The following LDLRAD4 variants were observed in gnomAD, a reference collection of about 807,000 sequenced individuals.
The protein encoded by LDLRAD4 is low-density lipoprotein receptor class A domain-containing protein 4.
In LDLRAD4, 5 loss-of-function variants were observed where a neutral mutation model predicts 17.0. The ratio of observed to expected loss-of-function variants is 0.29; its 90% confidence interval spans 0.15 to 0.62. The LOEUF is 0.62. LDLRAD4 is among the 20% of genes least tolerant of loss of function. LDLRAD4 has a pLI of 0.84. For synonymous variants in LDLRAD4, 168 were observed against 171.8 expected, an observed-to-expected ratio of 0.98 and a Z score of 0.17; for missense variants, 340 against 424.7, an observed-to-expected ratio of 0.80 and a Z score of 1.75.
chr18:13,643,294 G>C, intron 4 of LDLRAD4, 65 bp from the exon 6 acceptor site: 1 of 1,039,942 alleles, frequency 9.6e-7, no homozygotes. Flanking sequence ...TTTTAGGTGC[G>C]GCGGGGCTAA....
intron 1 of LDLRAD4, among the ~76,000 whole-genome samples, chr18:13,231,199 G>T (rs2042053959): frequency 6.6e-6 from 1 of 152,196 alleles, no homozygotes; most frequent in Admixed American, 6.5e-5. Flanking sequence ...GCAAAAGGCA[G>T]GTGGTATGGG....
At chr18:13,576,863 G>C (rs1464380588) in intron 3 of LDLRAD4, among the ~76,000 whole-genome samples, 1 of 152,260 alleles carries the variant, frequency 6.6e-6, no homozygotes, top group African/African-American at 2.4e-5. Context: ...GTGCCCATGA[G>C]CTCCGCTCAG....
intron 1 of LDLRAD4, among the ~76,000 whole-genome samples, chr18:13,386,847 G>C (rs1437228477): frequency 6.6e-6 from 1 of 152,146 alleles, no homozygotes; most frequent in African/African-American, 2.4e-5. Context: ...CTTGAGGCAG[G>C]AGTTTGGAGA....
intron 5 of LDLRAD4, 76 bp downstream of exon 6, chr18:13,643,488 C>A: frequency 1.7e-6 from 1 of 578,190 alleles, no homozygotes; most frequent in South Asian, 6.5e-5. Context: ...GTCCCTGCCA[C>A]GTGGGGTGGA....
chr18:13,283,702 C>T (rs1389651028), intron 1 of LDLRAD4, among the ~76,000 whole-genome samples: 4 of 152,212 alleles, frequency 2.6e-5, no homozygotes, highest in Non-Finnish European at 1.5e-5. Flanking sequence ...TGCCTGTTAC[C>T]CAGTTCCAAA....
intron 1 of LDLRAD4, among the ~76,000 whole-genome samples, chr18:13,231,550 C>T (rs56929823): frequency 0.021 from 3,204 of 152,268 alleles, 98 homozygotes; most frequent in African/African-American, 0.07. Flanking sequence ...GATTTCATAT[C>T]GAATTGTTTG....
chr18:13,530,927 GA>G (rs1180975126), intron 3 of LDLRAD4, among the ~76,000 whole-genome samples: 1 of 152,208 alleles, frequency 6.6e-6, no homozygotes, highest in Non-Finnish European at 1.5e-5. Context: ...ACTTCATTTG[GA>G]AGGACTATAT....
chr18:13,517,438 T>A lies in LDLRAD4; in HGVS notation c.181+79054T>A, dbSNP rs1300026487. 7.9e-5 allele frequency among the ~76,000 whole-genome samples: 12 copies of A among 152,364 alleles called. No homozygotes were observed. In the East Asian group the frequency reaches 2.3e-3, roughly 29 times the overall value. ...CCGAGGAACCAGAGGTAGCTCCGTT[T>A]TGGAAAGAGCTTCCTGGTTGCCCAT... is the stretch of plus-strand genomic sequence containing the variant. On this transcript the variant is annotated intron_variant, in intron 3 of 5. Transcript: ENST00000359446.
chr18:13,459,159 C>CAAAAAAAAAAAAAAAAAAAAAAA (rs534798084), intron 3 of LDLRAD4, among the ~76,000 whole-genome samples: 1 of 53,736 alleles, frequency 1.9e-5, no homozygotes, highest in African/African-American at 6.0e-5. Context: ...ATCTCTACAC[C>CAAAAAAAAAAAAAAAAAAAAAAA]AAAAAAAAAA....
intron 3 of LDLRAD4, among the ~76,000 whole-genome samples, chr18:13,593,158 C>G (rs150811223): frequency 1.3e-5 from 2 of 152,020 alleles, no homozygotes; most frequent in South Asian, 2.1e-4. Flanking sequence ...ACTAAAAGTA[C>G]ATAAATTAGC....
At chr18:13,437,693 A>AT (rs2090756675) in intron 2 of LDLRAD4, among the ~76,000 whole-genome samples, 1 of 152,114 alleles carries the variant, frequency 6.6e-6, no homozygotes, top group Non-Finnish European at 1.5e-5. Flanking sequence ...ATTATGCCTG[A>AT]TTTTTCTTAG....
At chr18:13,603,481 G>T (rs894277184) in intron 3 of LDLRAD4, among the ~76,000 whole-genome samples, 1 of 152,198 alleles carries the variant, frequency 6.6e-6, no homozygotes, top group African/African-American at 2.4e-5. Flanking sequence ...TCCTGGCATT[G>T]CCAGTTACTG....
At chr18:13,439,593 T>A (rs1411645715) in intron 3 of LDLRAD4, among the ~76,000 whole-genome samples, 5 of 152,248 alleles carry the variant, frequency 3.3e-5, no homozygotes, top group Admixed American at 2.0e-4. Context: ...CGGTAGTCTC[T>A]GTGTAATACA....
At chr18:13,514,399 C>T (rs1220818012) in intron 3 of LDLRAD4, 1 of 152,164 alleles carries the variant, frequency 6.6e-6, no homozygotes, top group Non-Finnish European at 1.5e-5. Flanking sequence ...ATATCGATTC[C>T]ATTTATAAAG....
At chr18:13,407,853 C>G (rs891279700) in intron 2 of LDLRAD4, among the ~76,000 whole-genome samples, 7 of 152,168 alleles carry the variant, frequency 4.6e-5, no homozygotes, top group African/African-American at 1.7e-4. Flanking sequence ...AGGGTAGGAC[C>G]TAGGTCCCTT....
At chr18:13,262,825 C>G (rs1337578159) in intron 1 of LDLRAD4, among the ~76,000 whole-genome samples, 1 of 49,912 alleles carries the variant, frequency 2.0e-5, no homozygotes. Flanking sequence ...CGGCTCCGTG[C>G]GTTGGGGCTG....
intron 4 of LDLRAD4, among the ~76,000 whole-genome samples, chr18:13,628,708 C>T (rs1341022118): frequency 3.3e-5 from 5 of 152,216 alleles, no homozygotes; most frequent in Admixed American, 3.3e-4. Context: ...ACGCAGATTC[C>T]CACCTGAACC....
chr18:13,544,299 A>C (rs1027860980), intron 3 of LDLRAD4, among the ~76,000 whole-genome samples: 6 of 152,262 alleles, frequency 3.9e-5, no homozygotes, highest in African/African-American at 1.4e-4. Flanking sequence ...TGGAGGCACA[A>C]CTGTTGATTA....
chr18:13,429,818 A>G (rs899799043), intron 2 of LDLRAD4, among the ~76,000 whole-genome samples: 1 of 152,232 alleles, frequency 6.6e-6, no homozygotes, highest in Non-Finnish European at 1.5e-5. Context: ...GAGGCCCCAC[A>G]GGGAGCACTG....
Sources: allele counts gnomAD v4.1 joint callset (sites outside exome capture counted in the v4.1 genomes callset), GRCh38; gene constraint gnomAD v4.1.1; transcripts MANE v1.5; gene names NCBI Gene and HGNC (gene_info 2026-07-23, HGNC 2026-07-21).